PRUNE2: variants seen among roughly 807,000 people sequenced by gnomAD.
The protein encoded by PRUNE2 is prune homolog 2 with BCH domain.
PRUNE2 carries 164 observed loss-of-function variants against 252.0 expected under a neutral mutation model. That is an observed-to-expected ratio of 0.65 (90% CI 0.57 to 0.74). The LOEUF is 0.74. PRUNE2 is among the 30% of genes least tolerant of loss of function. The pLI is 0.00. For synonymous variants in PRUNE2, 1,292 were observed against 1,350.2 expected, an observed-to-expected ratio of 0.96 and a Z score of 0.94; for missense variants, 3,495 against 3,711.0, an observed-to-expected ratio of 0.94 and a Z score of 1.51.
intron 6 of PRUNE2, among the ~76,000 whole-genome samples, chr9:76,822,773 C>T (rs1433840985): frequency 6.6e-6 from 1 of 151,928 alleles, no homozygotes; most frequent in Non-Finnish European, 1.5e-5. Context: ...TGCCACTGCA[C>T]TCCAGCCTGG....
At chr9:76,869,965 T>C (rs1027295990) in intron 1 of PRUNE2, among the ~76,000 whole-genome samples, 12 of 152,154 alleles carry the variant, frequency 7.9e-5, no homozygotes, top group Non-Finnish European at 1.6e-4. Flanking sequence ...ATTAACTAAA[T>C]AGATTATGGA....
At chr9:76,641,349 A>C (rs115715183) in intron 12 of PRUNE2, among the ~76,000 whole-genome samples, 1 of 152,334 alleles carries the variant, frequency 6.6e-6, no homozygotes, top group East Asian at 1.9e-4. Context: ...TTTCCACATG[A>C]AAGTTTTCCT....
rs41289951 is a variant in PRUNE2, at chr9:76,708,922, C to T, written c.3352G>A (p.Val1118Met). 1.2e-6 allele frequency: 2 copies of T among 1,613,994 alleles called. No homozygotes were observed. Among genetic ancestry groups the T allele is most frequent in the Non-Finnish European group, 1.7e-6 (2 of 1,179,882 alleles). Residue 1118 changes from valine (V) to methionine (M), a missense_variant, in exon 8 of 19, where the codon GTG (valine) becomes ATG (methionine). Physicochemically the swap from Val to Met is conservative, Grantham distance 21. Coordinates refer to ENST00000376718, the MANE Select transcript of PRUNE2 (RefSeq NM_015225.3). ...APDSLDLWNR[V>M]ILEDTQSTAT... The stretch of plus-strand genomic sequence containing the variant: ...GTGGACTGAGTATCCTCCAAAATCA[C>T]TCTGTTCCACAAGTCGAGACTGTCA...
intron 6 of PRUNE2, among the ~76,000 whole-genome samples, chr9:76,794,632 A>AAAG (rs1554773257): frequency 6.2e-4 from 76 of 122,646 alleles, no homozygotes; most frequent in African/African-American, 2.8e-3. Context: ...AAAAAAAAAG[A>AAAG]AAAGAAAAGA....
intron 9 of PRUNE2, among the ~76,000 whole-genome samples, chr9:76,676,792 A>G (rs904204648): frequency 1.3e-5 from 2 of 152,238 alleles, no homozygotes; most frequent in Non-Finnish European, 2.9e-5. Flanking sequence ...CCACTGCCAC[A>G]TAATCGGGGC....
intron 6 of PRUNE2, among the ~76,000 whole-genome samples, chr9:76,719,958 C>T (rs1200992428): frequency 1.3e-5 from 2 of 152,208 alleles, no homozygotes; most frequent in East Asian, 1.9e-4. Context: ...AGAAATATAT[C>T]CTAACGAAAT....
intron 6 of PRUNE2, among the ~76,000 whole-genome samples, chr9:76,802,359 T>C (rs138813652): frequency 6.9e-4 from 105 of 152,288 alleles, no homozygotes; most frequent in African/African-American, 2.4e-3. Context: ...GGTTATTTAT[T>C]TGCTAAACGA....
chr9:76,813,767 A>G (rs2057510642), intron 6 of PRUNE2, among the ~76,000 whole-genome samples: 1 of 152,206 alleles, frequency 6.6e-6, no homozygotes. Context: ...TAAAAGAATA[A>G]AGAGTATACA....
chr9:76,869,014 T>G (rs1386681947), intron 1 of PRUNE2: 1 of 152,172 alleles, frequency 6.6e-6, no homozygotes, highest in Non-Finnish European at 1.5e-5. Flanking sequence ...TCCTTCGGAT[T>G]AGAAGGGCTG....
intron 9 of PRUNE2, among the ~76,000 whole-genome samples, chr9:76,655,856 T>C (rs139139382): frequency 1.6e-3 from 237 of 152,292 alleles, no homozygotes; most frequent in African/African-American, 5.2e-3. Flanking sequence ...TATATGTGCT[T>C]TGTACACATC....
intron 9 of PRUNE2, 54 bp from the exon 10 acceptor site, chr9:76,655,556 T>A: frequency 2.2e-6 from 3 of 1,351,698 alleles, no homozygotes; most frequent in Non-Finnish European, 3.2e-6. Context: ...AGACTTCATT[T>A]CTTTTGAAAA....
chr9:76,717,763 C>T (rs2047285618), intron 6 of PRUNE2, among the ~76,000 whole-genome samples: 1 of 152,140 alleles, frequency 6.6e-6, no homozygotes, highest in Non-Finnish European at 1.5e-5. Flanking sequence ...CTTTATGAAT[C>T]ATTGCAACTG....
At chr9:76,843,415 T>C (rs1418969558) in intron 4 of PRUNE2, among the ~76,000 whole-genome samples, 1 of 152,132 alleles carries the variant, frequency 6.6e-6, no homozygotes, top group Non-Finnish European at 1.5e-5. Context: ...GGCACGTGTA[T>C]ACCTATGTAA....
intron 5 of PRUNE2, among the ~76,000 whole-genome samples, chr9:76,824,863 C>G (rs945751011): frequency 6.6e-6 from 1 of 152,212 alleles, no homozygotes; most frequent in Non-Finnish European, 1.5e-5. Flanking sequence ...TTTCACAATG[C>G]AGCGTAAAAT....
At chr9:76,851,338 G>A (rs1180412472) in intron 2 of PRUNE2, among the ~76,000 whole-genome samples, 3 of 152,150 alleles carry the variant, frequency 2.0e-5, no homozygotes, top group Non-Finnish European at 2.9e-5. Flanking sequence ...ACGAGGTCAG[G>A]AGATCGAGAC....
chr9:76,668,988 C>G (rs772170330), intron 9 of PRUNE2, among the ~76,000 whole-genome samples: 4 of 151,236 alleles, frequency 2.6e-5, no homozygotes, highest in African/African-American at 9.7e-5. Flanking sequence ...TCACAGTCAT[C>G]CCTCTGTGTG....
At position 76,704,864 on chromosome 9, in the gene PRUNE2, C is replaced by T. The variant is rs114028146; in HGVS notation, c.7410G>A (p.Pro2470=). Residue 2470 remains proline (P), a synonymous_variant, in exon 8 of 19, where the codon CCG becomes CCA. Transcript: ENST00000376718. ...ACAAAATGTTGGAGCCTGCTCCTAC[C>T]GGCAAATAAACGGACTCAGGGTCTT... ...IREDPESVYL[P]VGAGSNILSP... 1.2e-3 allele frequency: 1,999 copies of T among 1,603,998 alleles called. 25 individuals are homozygous for T. The African/African-American group carries it at 0.024, about 19-fold the overall frequency.
chr9:76,657,243 T>C (rs985989497), intron 9 of PRUNE2, among the ~76,000 whole-genome samples: 1 of 152,244 alleles, frequency 6.6e-6, no homozygotes. Flanking sequence ...TAAATCTTAG[T>C]TCTACCACTT....
Position 76,709,672 on chromosome 9 carries a change from T to A in PRUNE2, c.2602A>T (p.Lys868Ter). Reference sequence around the variant, plus strand: ...ATGTGATCCCTGGAGTCATTGTTTTTCTTGCCCCAGATTTCTGGAGCTGCT... The same window carrying A: ...ATGTGATCCCTGGAGTCATTGTTTTACTTGCCCCAGATTTCTGGAGCTGCT... ...NEAAPEIWGK[K>*]NNDSRDHIFA... The change falls in exon 8 of 19, where the codon AAA becomes TAA. Residue 868 changes from lysine to a stop codon, truncating the protein, a stop_gained. Coordinates refer to ENST00000376718, the MANE Select transcript of PRUNE2 (RefSeq NM_015225.3). LOFTEE classifies it high-confidence loss of function. 1 of 1,614,020 alleles carries A rather than the reference T, an allele frequency of 6.2e-7. No homozygotes were observed. The highest frequency in any genetic ancestry group is 8.5e-7 in the Non-Finnish European group (1 of 1,179,892).
Sources: gnomAD v4.1 joint callset for allele counts (sites outside exome capture counted in the v4.1 genomes callset) on GRCh38, gnomAD v4.1.1 for gene constraint, MANE v1.5 for transcripts, NCBI Gene and HGNC (gene_info 2026-07-23, HGNC 2026-07-21) for gene names.